SETD3: variants seen among roughly 807,000 people sequenced by gnomAD.
SETD3 encodes the protein actin-histidine N-methyltransferase.
In SETD3, 19 loss-of-function variants were observed where a neutral mutation model predicts 63.0. The ratio of observed to expected loss-of-function variants is 0.30; its 90% CI spans 0.21 to 0.44. The LOEUF is 0.44. Ranked by LOEUF, SETD3 falls within the 20% of genes least tolerant of loss-of-function variation. SETD3 has a pLI of 1.00. For synonymous variants in SETD3, 286 were observed against 264.1 expected, an observed-to-expected ratio of 1.08 and a Z score of -0.80; for missense variants, 587 against 728.5, an observed-to-expected ratio of 0.81 and a Z score of 2.24.
At chr14:99,469,042 T>C (rs1895550453) in intron 1 of SETD3, among the ~76,000 whole-genome samples, 1 of 152,360 alleles carries the variant, frequency 6.6e-6, no homozygotes. Context: ...GTCTAATTCC[T>C]GCTCCGCGTG....
chr14:99,462,836 G>C (rs1480253758), intron 3 of SETD3, among the ~76,000 whole-genome samples: 1 of 152,182 alleles, frequency 6.6e-6, no homozygotes, highest in East Asian at 1.9e-4. Flanking sequence ...ATGACAATAA[G>C]AAAGGGCCCC....
At chr14:99,447,784 T>C (rs1022581657) in intron 6 of SETD3, among the ~76,000 whole-genome samples, 2 of 152,172 alleles carry the variant, frequency 1.3e-5, no homozygotes, top group African/African-American at 2.4e-5. Flanking sequence ...AGCTTCCTCA[T>C]AGCTTGGGGG....
chr14:99,416,748 G>T (rs576220285), intron 6 of SETD3, among the ~76,000 whole-genome samples: 2 of 152,124 alleles, frequency 1.3e-5, no homozygotes, highest in East Asian at 3.8e-4. Context: ...AACTAGCCAC[G>T]GATTTTCTCC....
At chr14:99,406,656 A>C (rs557196806) in intron 8 of SETD3, 66 bp from the exon 9 acceptor site, 211 of 1,495,866 alleles carry the variant, frequency 1.4e-4, no homozygotes, top group Middle Eastern at 1.7e-4. Flanking sequence ...TTAATCTACA[A>C]GCTTGTTTCT....
chr14:99,426,692 G>A (rs1163553286), intron 6 of SETD3, among the ~76,000 whole-genome samples: 2 of 152,180 alleles, frequency 1.3e-5, no homozygotes, highest in East Asian at 3.8e-4. Flanking sequence ...CCATCTAGTA[G>A]TGATCACTGA....
chr14:99,461,565 T>C (rs932731325), intron 3 of SETD3, among the ~76,000 whole-genome samples: 2 of 152,184 alleles, frequency 1.3e-5, no homozygotes, highest in African/African-American at 4.8e-5. Flanking sequence ...GTGAAATATA[T>C]ACTGACACTA....
chr14:99,458,344 G>A lies in SETD3; in HGVS notation c.610C>T (p.His204Tyr). ...VRYLQSTQAI[H>Y]DVFSQYKNTA... is the part of the protein sequence containing the mutation. ...TTTTTATACTGGCTGAAGACATCAT[G>A]TATAGCTTGTGTGGACTGAAGATAC... The change falls in exon 6 of 13, where the codon CAT becomes TAT. Residue 204 changes from histidine (H) to tyrosine (Y), a missense_variant. Coordinates refer to ENST00000331768, the MANE Select transcript of SETD3 (RefSeq NM_032233.3). 1 of 1,614,126 alleles carries A rather than the reference G, an allele frequency of 6.2e-7. No individual in the cohort carries two copies. The highest frequency in any genetic ancestry group is 1.7e-5 in the Admixed American group (1 of 60,014).
At chr14:99,473,733 A>G (rs1012049908) in intron 1 of SETD3, among the ~76,000 whole-genome samples, 13 of 152,204 alleles carry the variant, frequency 8.5e-5, no homozygotes, top group Non-Finnish European at 1.3e-4. Context: ...TTACTAAAAT[A>G]CTTTGCCGGC....
At chr14:99,484,034 C>G (rs1896421442), upstream of SETD3, among the ~76,000 whole-genome samples, 1 of 151,494 alleles carries the variant, frequency 6.6e-6, no homozygotes, top group African/African-American at 2.4e-5. Flanking sequence ...GAGATTGTCT[C>G]AAAAAAAATA....
intron 8 of SETD3, among the ~76,000 whole-genome samples, chr14:99,407,871 C>T (rs912638855): frequency 6.6e-6 from 1 of 152,198 alleles, no homozygotes; most frequent in Non-Finnish European, 1.5e-5. Context: ...GCACACAGAA[C>T]CTAAAACCTG....
intron 8 of SETD3, 45 bp from the exon 9 acceptor site, chr14:99,406,635 G>T (rs1267570995): frequency 6.5e-7 from 1 of 1,544,366 alleles, no homozygotes; most frequent in Admixed American, 1.7e-5. Flanking sequence ...GCAAACACAC[G>T]CACATCTCAC....
At chr14:99,432,188 C>T (rs1893219544) in intron 6 of SETD3, among the ~76,000 whole-genome samples, 1 of 152,154 alleles carries the variant, frequency 6.6e-6, no homozygotes. Flanking sequence ...GGACAAATTC[C>T]CTTCTACCTG....
At chr14:99,434,941 A>G (rs1893397234) in intron 6 of SETD3, among the ~76,000 whole-genome samples, 1 of 151,804 alleles carries the variant, frequency 6.6e-6, no homozygotes, top group Admixed American at 6.6e-5. Context: ...TTAAAAAATT[A>G]AAAGTTGACA....
At chr14:99,425,888 TCA>T (rs1892855314) in intron 6 of SETD3, among the ~76,000 whole-genome samples, 1 of 152,218 alleles carries the variant, frequency 6.6e-6, no homozygotes, top group Admixed American at 6.5e-5. Flanking sequence ...TTTTTCCAGA[TCA>T]TTAGCTTTGT....
intron 1 of SETD3, among the ~76,000 whole-genome samples, chr14:99,474,595 T>G (rs1895873924): frequency 6.6e-6 from 1 of 152,200 alleles, no homozygotes; most frequent in African/African-American, 2.4e-5. Flanking sequence ...CCAGGCACAG[T>G]GGCTCATGCC....
intron 6 of SETD3, among the ~76,000 whole-genome samples, chr14:99,457,089 C>A (rs945777606): frequency 5.3e-5 from 8 of 152,154 alleles, no homozygotes; most frequent in African/African-American, 1.9e-4. Context: ...AAAGTATAAC[C>A]CTTCCAGGTC....
chr14:99,410,014 G>A (rs751939292), intron 8 of SETD3: 121 of 477,372 alleles, frequency 2.5e-4, no homozygotes, highest in Admixed American at 6.7e-4. Flanking sequence ...TTTTAAAAAG[G>A]CAGAAACAAG....
chr14:99,462,436 T>C (rs575700568), intron 3 of SETD3, among the ~76,000 whole-genome samples: 1 of 152,286 alleles, frequency 6.6e-6, no homozygotes, highest in South Asian at 2.1e-4. Flanking sequence ...CAACCTGATA[T>C]GTGAAGAGGG....
At position 99,399,650 on chromosome 14, in the gene SETD3, G is replaced by A. The variant is rs190301781; in HGVS notation, c.1338+449C>T. Reference sequence around the variant, plus strand: ...CTTCTAATAAACAATGCCTAAATATGATTTTTTGGGAAATGAATGGAAAAT... The same window carrying A: ...CTTCTAATAAACAATGCCTAAATATAATTTTTTGGGAAATGAATGGAAAAT... On this transcript the variant is annotated intron_variant, in intron 12 of 12. Transcript: ENST00000331768. 5.9e-5 allele frequency among the ~76,000 whole-genome samples: 9 copies of A among 151,350 alleles called. No individual in the cohort carries two copies. In the East Asian group the frequency reaches 1.8e-3, roughly 29 times the overall value.
Sources: allele counts gnomAD v4.1 joint callset (sites outside exome capture counted in the v4.1 genomes callset), GRCh38; gene constraint gnomAD v4.1.1; transcripts MANE v1.5; gene names NCBI Gene and HGNC (gene_info 2026-07-23, HGNC 2026-07-21).